The following PSTPIP1 variants were observed in gnomAD, a reference collection of about 807,000 sequenced individuals.
The protein encoded by PSTPIP1 is proline-serine-threonine phosphatase-interacting protein 1.
PSTPIP1 carries 66 observed loss-of-function variants against 69.6 expected under a neutral mutation model. The observed-to-expected ratio is 0.95, with a 90% confidence interval of 0.78 to 1.16. The LOEUF (loss-of-function observed/expected upper bound fraction) is 1.16, where lower values mean the gene tolerates loss of function less well. Among genes scored for constraint, PSTPIP1 ranks in the 50% most tolerant of loss-of-function variants. The pLI, the probability that PSTPIP1 is intolerant of heterozygous loss-of-function variation, is 0.00. For missense variants in PSTPIP1, 603 were observed against 557.4 expected (o/e 1.08, Z -0.82); for synonymous variants, 266 against 222.7 (o/e 1.19, Z -1.73).
chr15:77,023,620 G>C (rs539021956), intron 3 of PSTPIP1: 1 of 152,848 alleles, frequency 6.5e-6, no homozygotes, highest in Admixed American at 6.5e-5. Flanking sequence ...AAGAGGAGAG[G>C]TTTGCAGGGC....
At chr15:77,019,695 C>A (rs2076124071) in intron 3 of PSTPIP1, among the ~76,000 whole-genome samples, 1 of 152,230 alleles carries the variant, frequency 6.6e-6, no homozygotes, top group Non-Finnish European at 1.5e-5. Flanking sequence ...CTCCAGCGAG[C>A]TGCCGTGCAA....
At chr15:77,008,039 G>T (rs1219382800) in intron 1 of PSTPIP1, 3 of 456,610 alleles carry the variant, frequency 6.6e-6, no homozygotes, top group Non-Finnish European at 1.3e-5. Flanking sequence ...GTGGTAGGAA[G>T]ACCCAGAACA....
rs2152692226 is a variant in PSTPIP1, at chr15:77,036,074, AC to A, written c.1119+140del. ...AGCATCCTCTCCTCCTCAGGAGGGC[AC>A]GTGTGCCCGAGTGTGTCCACACTAG... On this transcript the variant is annotated intron_variant, in intron 14 of 14. Coordinates refer to ENST00000558012, the MANE Select transcript of PSTPIP1 (RefSeq NM_003978.5). 4.9e-6 allele frequency: 6 copies of A among 1,215,614 alleles called. No homozygotes were observed. The Admixed American group carries it at 1.4e-4, about 28-fold the overall frequency. 75.3% of individuals were successfully genotyped at this position (1,215,614 alleles called of 1,614,324 possible).
chr15:76,995,530 G>A lies in PSTPIP1; in HGVS notation c.-44G>A. 6.2e-7 allele frequency: 1 copy of A among 1,613,696 alleles called. No individual in the cohort carries two copies. Among genetic ancestry groups the A allele is most frequent in the Non-Finnish European group, 8.5e-7 (1 of 1,179,850 alleles). ...TGGCGCCTGGCCCTCCATCAGGCCA[G>A]CCTGTGGCAGGAGAGTGAGCTTTGC... On this transcript the variant is annotated 5_prime_UTR_variant, in exon 1 of 15. Transcript: ENST00000558012.
At chr15:77,036,373 C>T (rs1015790973) in intron 14 of PSTPIP1, among the ~76,000 whole-genome samples, 1 of 152,180 alleles carries the variant, frequency 6.6e-6, no homozygotes, top group Non-Finnish European at 1.5e-5. Context: ...GGTCAGGGCC[C>T]TGTCCTTCGT....
chr15:77,029,372 C>A (rs182733577), intron 7 of PSTPIP1, among the ~76,000 whole-genome samples, 157 bp from the exon 8 acceptor site: 1 of 152,204 alleles, frequency 6.6e-6, no homozygotes, highest in Non-Finnish European at 1.5e-5. Flanking sequence ...CCTCTGTGGG[C>A]GGAGGTTGCT....
At position 77,036,970 on chromosome 15, in the gene PSTPIP1, G is replaced by A. The variant is rs2076591830; in HGVS notation, c.1120-75G>A. On this transcript the variant is annotated intron_variant, in intron 14 of 14. Transcript: ENST00000558012. ...ATGCCGCATTTACTGCTGGGTGGGG[G>A]AACGCCAGGCCCCTCCCTGCAGGCC... 5.8e-6 allele frequency: 9 copies of A among 1,558,790 alleles called. No homozygotes were observed. The South Asian group carries it at 8.2e-5, about 14-fold the overall frequency.
chr15:77,030,637 T>A (rs1306315444), intron 9 of PSTPIP1, 56 bp downstream of exon 9: 1 of 1,509,194 alleles, frequency 6.6e-7, no homozygotes, highest in Admixed American at 1.9e-5. Flanking sequence ...GAGACGCCCA[T>A]CCCTACTCCA....
intron 1 of PSTPIP1, among the ~76,000 whole-genome samples, chr15:77,014,182 T>C (rs1003609011): frequency 3.9e-5 from 6 of 152,304 alleles, no homozygotes; most frequent in African/African-American, 1.4e-4. Context: ...CTGGGCAGAT[T>C]GGGTAACCTC....
At chr15:77,000,460 G>GAGATATAT (rs1555673709) in intron 1 of PSTPIP1, among the ~76,000 whole-genome samples, 1 of 141,694 alleles carries the variant, frequency 7.1e-6, no homozygotes, top group African/African-American at 2.6e-5. Flanking sequence ...TTTAAAGAGA[G>GAGATATAT]ATATATATAT....
At chr15:77,000,512 C>A (rs2075685619) in intron 1 of PSTPIP1, among the ~76,000 whole-genome samples, 1 of 151,450 alleles carries the variant, frequency 6.6e-6, no homozygotes, top group African/African-American at 2.4e-5. Context: ...CATACACACA[C>A]ACACTTTCTA....
chr15:77,006,880 G>A (rs751528698), intron 1 of PSTPIP1, among the ~76,000 whole-genome samples: 2 of 152,192 alleles, frequency 1.3e-5, no homozygotes, highest in African/African-American at 4.8e-5. Flanking sequence ...AGAAGTGTGA[G>A]TCCTCCAAAC....
chr15:76,995,178 G>A lies in PSTPIP1; in HGVS notation c.-396G>A. 1 of 947,684 alleles carries A rather than the reference G, an allele frequency of 1.1e-6. No homozygotes were observed. The highest frequency in any genetic ancestry group is 1.7e-5 in the African/African-American group (1 of 60,174). The allele number at this position is 947,684 out of a possible 1,614,324, so 58.7% of individuals were successfully genotyped here. A position where few individuals can be genotyped will look rare whatever the true frequency, so the allele number is the denominator to read the frequency against. ...CCTGCCTGCCTGCCTGCCTGGCCCGGCCCGAGCTCCAGCCTGCCTCTTCCA... is the reference window on the plus strand; with the variant it reads ...CCTGCCTGCCTGCCTGCCTGGCCCGACCCGAGCTCCAGCCTGCCTCTTCCA... On this transcript the variant is annotated 5_prime_UTR_variant, in exon 1 of 15. Coordinates refer to ENST00000558012, the MANE Select transcript of PSTPIP1 (RefSeq NM_003978.5).
chr15:76,998,673 C>G (rs910809370), intron 1 of PSTPIP1, among the ~76,000 whole-genome samples: 1 of 152,196 alleles, frequency 6.6e-6, no homozygotes, highest in Non-Finnish European at 1.5e-5. Flanking sequence ...AGGAAGGAGA[C>G]AGAAACAGTC....
chr15:77,027,939 G>A lies in PSTPIP1; in HGVS notation c.417+25G>A, dbSNP rs944956170. ...GGTGAGCGCCAGGGCCTGGGGCCGC[G>A]GCCTTCCCTCGAGGAGCAGCGCAGG... On this transcript the variant is annotated intron_variant, in intron 6 of 14. Coordinates refer to ENST00000558012, the MANE Select transcript of PSTPIP1 (RefSeq NM_003978.5). The surrounding 1 kb of genome is among the most constrained non-coding windows in gnomAD (Gnocchi z 4.3). The A allele has an allele frequency of 1.2e-5, 18 of 1,539,292 alleles. No individual in the cohort carries two copies. The Admixed American group carries it at 2.5e-4, about 22-fold the overall frequency.
At chr15:77,035,586 CCCCAAACACACTGAT>C (rs2076541718) in intron 13 of PSTPIP1, 23 bp downstream of exon 13, 3 of 1,564,644 alleles carry the variant, frequency 1.9e-6, no homozygotes. Flanking sequence ...AGGAGGGGAC[CCCCAAACACACTGAT>C]CCTGGGGGGG....
At chr15:77,015,822 A>C (rs1478582552) in intron 1 of PSTPIP1, 1 of 425,460 alleles carries the variant, frequency 2.4e-6, no homozygotes, top group African/African-American at 2.0e-5. Context: ...CTTCCTCGGA[A>C]CATCCCAGTC....
chr15:77,029,401 C>A, intron 7 of PSTPIP1, 128 bp from the exon 8 acceptor site: 3 of 1,053,536 alleles, frequency 2.8e-6, no homozygotes, highest in Non-Finnish European at 4.2e-6. Context: ...ATGGCATCTG[C>A]CCATAGTTGG....
chr15:77,021,763 ACT>A (rs1004380706), intron 3 of PSTPIP1, among the ~76,000 whole-genome samples: 3 of 151,752 alleles, frequency 2.0e-5, no homozygotes, highest in Non-Finnish European at 4.4e-5. Flanking sequence ...ACTTTGCCTG[ACT>A]CTCCTTTCCA....
Sources: gnomAD v4.1 joint callset for allele counts (sites outside exome capture counted in the v4.1 genomes callset) on GRCh38, gnomAD v4.1.1 for gene constraint, Gnocchi (gnomAD v3.1) non-coding constraint, MANE v1.5 for transcripts, NCBI Gene and HGNC (gene_info 2026-07-23, HGNC 2026-07-21) for gene names.